CRMP1: variants seen among roughly 807,000 people sequenced by gnomAD.
CRMP1 encodes the protein dihydropyrimidinase-related protein 1.
CRMP1 carries 19 observed loss-of-function variants against 68.3 expected under a neutral mutation model. That is an observed-to-expected ratio of 0.28 (90% CI 0.19 to 0.41). CRMP1 has a LOEUF of 0.41. Among genes scored for constraint, CRMP1 ranks in the 10% least tolerant of loss-of-function variants. The probability of loss-of-function intolerance (pLI) is 1.00; values close to 1 mark genes in which losing one functional copy is unlikely to be tolerated. For synonymous variants in CRMP1, 439 were observed against 399.6 expected (o/e 1.10, Z -1.18); for missense variants, 791 against 967.4 (o/e 0.82, Z 2.42).
rs980464303 is a variant in CRMP1, at chr4:5,888,474, C to G, written c.381+4115G>C. The G allele has an allele frequency of 4.9e-5, 59 of 1,208,950 alleles. No individual in the cohort carries two copies. Among genetic ancestry groups the G allele is most frequent in the Non-Finnish European group, 5.8e-5 (56 of 973,726 alleles). 74.9% of individuals were successfully genotyped at this position (1,208,950 alleles called of 1,614,324 possible). A position where few individuals can be genotyped will look rare whatever the true frequency, so the allele number is the denominator to read the frequency against. Reference sequence around the variant, plus strand: ...CGCCGCTCCGGCTGCCAGCACCGCCCGGATCGGCGAGGAGGGCGGGAGAAG... The same window carrying G: ...CGCCGCTCCGGCTGCCAGCACCGCCGGGATCGGCGAGGAGGGCGGGAGAAG... On this transcript the variant is annotated intron_variant, in intron 1 of 13. Coordinates refer to ENST00000324989, the MANE Select transcript of CRMP1 (RefSeq NM_001014809.3). This position sits in a 1 kb window ranked among gnomAD's most constrained non-coding sequence, Gnocchi z 6.4.
Position 5,838,081 on chromosome 4 carries a change from G to A in CRMP1, c.1311-1175C>T, listed in dbSNP as rs1406338062. ...AGGCTGGAGATGCCATTTCCAGGAG[G>A]ATAATCAGAAAATTACGTCACTGAG... On this transcript the variant is annotated intron_variant, in intron 9 of 13. Coordinates refer to ENST00000324989, the MANE Select transcript of CRMP1 (RefSeq NM_001014809.3). The surrounding 1 kb of genome is among the most constrained non-coding windows in gnomAD (Gnocchi z 4.9). 6.6e-6 allele frequency among the ~76,000 whole-genome samples: 1 copy of A among 152,192 alleles called. No individual in the cohort carries two copies. The highest frequency in any genetic ancestry group is 1.5e-5 in the Non-Finnish European group (1 of 68,038).
At position 5,825,182 on chromosome 4, in the gene CRMP1, T is replaced by G; in HGVS notation, c.1969+312A>C. On this transcript the variant is annotated intron_variant, in intron 13 of 13. Coordinates refer to ENST00000324989, the MANE Select transcript of CRMP1 (RefSeq NM_001014809.3). This position sits in a 1 kb window ranked among gnomAD's most constrained non-coding sequence, Gnocchi z 4.4. Reference sequence around the variant, plus strand: ...TCATCCCCACCACTCCATGTTTACTTTCATGAGGAAGAGTGTGAAAGTGTC... The same window carrying G: ...TCATCCCCACCACTCCATGTTTACTGTCATGAGGAAGAGTGTGAAAGTGTC... 2.0e-6 allele frequency: 2 copies of G among 985,372 alleles called. No homozygotes were observed. The highest frequency in any genetic ancestry group is 2.4e-6 in the Non-Finnish European group (2 of 829,918). 61.0% of individuals were successfully genotyped at this position (985,372 alleles called of 1,614,324 possible). A position where few individuals can be genotyped will look rare whatever the true frequency, so the allele number is the denominator to read the frequency against.
intron 12 of CRMP1, chr4:5,828,040 C>T: frequency 1.0e-6 from 1 of 985,428 alleles, no homozygotes; most frequent in Non-Finnish European, 1.2e-6. Flanking sequence ...GAAGGAAGCC[C>T]TGCCTGCAAG....
intron 1 of CRMP1, among the ~76,000 whole-genome samples, chr4:5,878,779 G>A (rs537344778): frequency 7.9e-5 from 12 of 152,128 alleles, no homozygotes; most frequent in Admixed American, 3.9e-4. Context: ...ATTAACCCAC[G>A]GATAGCACTT....
At chr4:5,886,189 A>G (rs753297869) in intron 1 of CRMP1, among the ~76,000 whole-genome samples, 14 of 152,248 alleles carry the variant, frequency 9.2e-5, no homozygotes, top group African/African-American at 3.1e-4. Flanking sequence ...GGAACTAAGC[A>G]TAACTTACAG....
At chr4:5,845,894 T>C (rs1286694638) in intron 6 of CRMP1, among the ~76,000 whole-genome samples, 1 of 152,162 alleles carries the variant, frequency 6.6e-6, no homozygotes, top group Admixed American at 6.5e-5. Context: ...ATAAACAGTC[T>C]TGCGAAGAAA....
At chr4:5,868,292 T>G (rs368568400) in intron 1 of CRMP1, among the ~76,000 whole-genome samples, 2 of 105,504 alleles carry the variant, frequency 1.9e-5, no homozygotes, top group South Asian at 3.2e-4. Flanking sequence ...TATATATATA[T>G]ATATATATAT....
chr4:5,854,086 G>A lies in CRMP1; in HGVS notation c.820+2057C>T, dbSNP rs1210523478. 6.6e-6 allele frequency among the ~76,000 whole-genome samples: 1 copy of A among 152,216 alleles called. No homozygotes were observed. The highest frequency in any genetic ancestry group is 1.5e-5 in the Non-Finnish European group (1 of 68,038). ...ACTCCAGAGACCCTCCCATCTCAGT[G>A]AGGGGCGTCCTAAACGACCATTTGC... On this transcript the variant is annotated intron_variant, in intron 4 of 13. Transcript: ENST00000324989. The surrounding 1 kb of genome is among the most constrained non-coding windows in gnomAD (Gnocchi z 4.0).
intron 1 of CRMP1, among the ~76,000 whole-genome samples, chr4:5,880,977 G>C (rs561037714): frequency 2.0e-5 from 3 of 152,166 alleles, no homozygotes; most frequent in Admixed American, 6.5e-5. Context: ...ATGGTCAAGC[G>C]GAGCAGATGG....
At position 5,843,868 on chromosome 4, in the gene CRMP1, A is replaced by G. The variant is rs1366754045; in HGVS notation, c.964-707T>C. On this transcript the variant is annotated intron_variant, in intron 6 of 13. Transcript: ENST00000324989. This position sits in a 1 kb window ranked among gnomAD's most constrained non-coding sequence, Gnocchi z 4.1. ...GGGAAACCACTACCTGAAACTTATC[A>G]TATAACCTTGAAATGGTTCCCTGGG... Among the ~76,000 whole-genome samples the G allele has an allele frequency of 1.3e-5, 2 of 152,076 alleles. No individual in the cohort carries two copies. The highest frequency in any genetic ancestry group is 2.9e-5 in the Non-Finnish European group (2 of 68,014).
Position 5,865,259 on chromosome 4 carries a change from C to A in CRMP1, c.470+1409G>T, listed in dbSNP as rs1049588727. ...CTCTTCCAGATTTCAAGGGAAGAGG[C>A]TGAGCACCCAGCAAATCCAGGTTAC... On this transcript the variant is annotated intron_variant, in intron 2 of 13. Transcript: ENST00000324989. This position sits in a 1 kb window ranked among gnomAD's most constrained non-coding sequence, Gnocchi z 4.1. Among the ~76,000 whole-genome samples the A allele has an allele frequency of 6.6e-6, 1 of 152,112 alleles. No individual in the cohort carries two copies. The highest frequency in any genetic ancestry group is 2.4e-5 in the African/African-American group (1 of 41,406).
At chr4:5,822,271 C>T (rs73797907) in intron 13 of CRMP1, among the ~76,000 whole-genome samples, 9,079 of 152,286 alleles carry the variant, frequency 0.06, 553 homozygotes, top group African/African-American at 0.15. Context: ...GTTCAGGCCA[C>T]GTGTCTTGCG....
intron 4 of CRMP1, among the ~76,000 whole-genome samples, chr4:5,851,964 AAGAG>A (rs1712687422): frequency 6.1e-5 from 1 of 16,298 alleles, no homozygotes; most frequent in African/African-American, 1.2e-4. Context: ...AAGAAGGAGG[AAGAG>A]GAAGAGGAGG....
chr4:5,822,162 G>A (rs1328574726), intron 13 of CRMP1, among the ~76,000 whole-genome samples: 3 of 152,236 alleles, frequency 2.0e-5, no homozygotes, highest in Non-Finnish European at 2.9e-5. Context: ...CTGTGTGCAG[G>A]CGCACATTTG....
In CRMP1 at chr4:5,870,422, G is replaced by T. The variant is rs111534563; in HGVS notation, c.382-3666C>A. ...TGCAGGACACAACTCCCCAGGGGAC[G>T]CATGACACAGGCGTTGGTGGGGACG... is the stretch of plus-strand genomic sequence containing the variant. On this transcript the variant is annotated intron_variant, in intron 1 of 13. Transcript: ENST00000324989. This position sits in a 1 kb window ranked among gnomAD's most constrained non-coding sequence, Gnocchi z 6.0. Among the ~76,000 whole-genome samples the T allele has an allele frequency of 4.3e-3, 648 of 152,370 alleles. 7 individuals are homozygous for T. The highest frequency in any genetic ancestry group is 0.014 in the African/African-American group (587 of 41,586).
At chr4:5,864,573 C>T (rs997886199) in intron 2 of CRMP1, among the ~76,000 whole-genome samples, 16 of 151,962 alleles carry the variant, frequency 1.1e-4, no homozygotes, top group African/African-American at 3.9e-4. Context: ...GGCCCCAGGG[C>T]GGGGGGCCAC....
At position 5,859,507 on chromosome 4, in the gene CRMP1, A is replaced by T. The variant is rs1408505510; in HGVS notation, c.655+1519T>A. ...CATGTCCCATGCACTACATGAAGGA[A>T]TCTCATGTACGTCTCCAAACCACCC... is the stretch of plus-strand genomic sequence containing the variant. On this transcript the variant is annotated intron_variant, in intron 3 of 13. Transcript: ENST00000324989. The surrounding 1 kb of genome is among the most constrained non-coding windows in gnomAD (Gnocchi z 5.2). Among the ~76,000 whole-genome samples, 1 of 152,192 alleles carries T rather than the reference A, an allele frequency of 6.6e-6. No individual in the cohort carries two copies. Among genetic ancestry groups the T allele is most frequent in the Non-Finnish European group, 1.5e-5 (1 of 68,042 alleles).
intron 8 of CRMP1, among the ~76,000 whole-genome samples, chr4:5,840,211 G>A (rs1470007425): frequency 6.6e-6 from 1 of 152,158 alleles, no homozygotes; most frequent in Non-Finnish European, 1.5e-5. Context: ...CACGCCTCAG[G>A]GTCCTCCCAC....
At chr4:5,844,350 AG>A (rs887372479) in intron 6 of CRMP1, among the ~76,000 whole-genome samples, 1 of 6,184 alleles carries the variant, frequency 1.6e-4, no homozygotes, top group African/African-American at 7.3e-4. Flanking sequence ...GGAAGTAAGG[AG>A]GGGGAGGGCA....
Sources: gnomAD v4.1 joint callset for allele counts (sites outside exome capture counted in the v4.1 genomes callset) on GRCh38, gnomAD v4.1.1 for gene constraint, Gnocchi (gnomAD v3.1) non-coding constraint, MANE v1.5 for transcripts, NCBI Gene and HGNC (gene_info 2026-07-23, HGNC 2026-07-21) for gene names.